The following THSD7B variants were observed in gnomAD, a reference collection of about 807,000 sequenced individuals.
The protein encoded by THSD7B is thrombospondin type-1 domain-containing protein 7B.
In THSD7B, 138 loss-of-function variants were observed where a neutral mutation model predicts 213.6. The ratio of observed to expected loss-of-function variants is 0.65; its 90% confidence interval spans 0.56 to 0.74. The LOEUF is 0.74. Among genes scored for constraint, THSD7B ranks in the 30% least tolerant of loss-of-function variants. The pLI is 0.00. For missense variants in THSD7B, 1,931 were observed against 1,991.5 expected (o/e 0.97, Z 0.58); for synonymous variants, 742 against 687.0 (o/e 1.08, Z -1.25).
intron 12 of THSD7B, among the ~76,000 whole-genome samples, chr2:137,360,981 G>A (rs916199563): frequency 2.0e-5 from 3 of 152,094 alleles, no homozygotes; most frequent in Non-Finnish European, 2.9e-5. Flanking sequence ...CATACAGCTG[G>A]GTGCCCCTCT....
At chr2:137,017,254 G>A (rs368985701) in intron 2 of THSD7B, among the ~76,000 whole-genome samples, 7 of 151,070 alleles carry the variant, frequency 4.6e-5, no homozygotes, top group East Asian at 3.9e-4. Context: ...TAGCTGAGGC[G>A]AAACTGAAGT....
intron 20 of THSD7B, among the ~76,000 whole-genome samples, chr2:137,621,463 A>T (rs2104843374): frequency 6.6e-6 from 1 of 152,310 alleles, no homozygotes; most frequent in South Asian, 2.1e-4. Flanking sequence ...CGATCCCAGA[A>T]TCCCAGTGGA....
intron 2 of THSD7B, among the ~76,000 whole-genome samples, chr2:137,012,865 A>G (rs1686256566): frequency 6.6e-6 from 1 of 152,202 alleles, no homozygotes; most frequent in Non-Finnish European, 1.5e-5. Context: ...TAGTAAAGCT[A>G]ATTTTATTTT....
At chr2:137,266,806 G>A (rs2105088743) in intron 10 of THSD7B, among the ~76,000 whole-genome samples, 1 of 152,280 alleles carries the variant, frequency 6.6e-6, no homozygotes, top group Non-Finnish European at 1.5e-5. Flanking sequence ...CTATCAGCCA[G>A]TGCCTATGTT....
intron 2 of THSD7B, among the ~76,000 whole-genome samples, chr2:136,891,189 C>T (rs551388325): frequency 6.1e-4 from 93 of 152,024 alleles, no homozygotes; most frequent in African/African-American, 2.1e-3. Flanking sequence ...TCCTTTCATT[C>T]TCTGCTTCCT....
intron 14 of THSD7B, among the ~76,000 whole-genome samples, chr2:137,420,569 C>T (rs1167604366): frequency 2.0e-5 from 3 of 152,132 alleles, no homozygotes; most frequent in Non-Finnish European, 4.4e-5. Flanking sequence ...ATCCATGCTG[C>T]CACAGAGGGC....
intron 7 of THSD7B, among the ~76,000 whole-genome samples, chr2:137,197,729 G>C (rs551809428): frequency 6.6e-6 from 1 of 152,150 alleles, no homozygotes; most frequent in Non-Finnish European, 1.5e-5. Flanking sequence ...GGAACATCAC[G>C]GAAGCAGCAT....
intron 15 of THSD7B, among the ~76,000 whole-genome samples, chr2:137,555,689 C>T (rs1251860456): frequency 6.6e-6 from 1 of 152,052 alleles, no homozygotes; most frequent in Admixed American, 6.5e-5. Context: ...CAAAGCTGGA[C>T]AGAGAATGAC....
intron 1 of THSD7B, among the ~76,000 whole-genome samples, chr2:136,879,859 G>C (rs1683590483): frequency 6.6e-6 from 1 of 152,084 alleles, no homozygotes; most frequent in Non-Finnish European, 1.5e-5. Context: ...AAGATCAAAA[G>C]AGACAAAGAA....
intron 12 of THSD7B, among the ~76,000 whole-genome samples, chr2:137,299,076 C>T (rs531338400): frequency 6.6e-6 from 1 of 152,122 alleles, no homozygotes; most frequent in Non-Finnish European, 1.5e-5. Context: ...GGAGGCTGTA[C>T]CCTGCAAAAC....
intron 16 of THSD7B, among the ~76,000 whole-genome samples, chr2:137,570,402 G>A (rs1004808154): frequency 2.5e-4 from 38 of 152,044 alleles, no homozygotes; most frequent in Admixed American, 2.0e-3. Context: ...TCAGCCTCCC[G>A]GGTTCACGCC....
chr2:136,779,322 A>G (rs1282020129), intron 1 of THSD7B, among the ~76,000 whole-genome samples: 1 of 151,856 alleles, frequency 6.6e-6, no homozygotes, highest in African/African-American at 2.4e-5. Context: ...AATATGTCCA[A>G]TTTATGACCC....
At position 137,663,701 on chromosome 2, in the gene THSD7B, A is replaced by G. The variant is rs1683395509; in HGVS notation, c.4651+126A>G. ...GGAGAGAAGAAAGAGGCAGTAAGGC[A>G]TAATTCAGGGTTTCTCAGATTTGAA... On this transcript the variant is annotated intron_variant, in intron 26 of 27. Coordinates refer to ENST00000409968, the MANE Select transcript of THSD7B (RefSeq NM_001316349.2). 1.1e-5 allele frequency: 9 copies of G among 837,860 alleles called. No individual in the cohort carries two copies. The Admixed American group carries it at 2.0e-4, about 19-fold the overall frequency. The allele number at this position is 837,860 out of a possible 1,614,324, so 51.9% of individuals were successfully genotyped here. A position where few individuals can be genotyped will look rare whatever the true frequency, so the allele number is the denominator to read the frequency against.
intron 2 of THSD7B, among the ~76,000 whole-genome samples, chr2:137,038,731 C>T (rs192480163): frequency 1.3e-4 from 20 of 152,342 alleles, no homozygotes; most frequent in Non-Finnish European, 2.4e-4. Context: ...TTGCAGTCTA[C>T]AACTGCAATC....
At chr2:137,337,979 T>C (rs1279519182) in intron 12 of THSD7B, among the ~76,000 whole-genome samples, 1 of 152,114 alleles carries the variant, frequency 6.6e-6, no homozygotes, top group African/African-American at 2.4e-5. Flanking sequence ...TATTTAGTGC[T>C]ATATACAAAT....
intron 17 of THSD7B, among the ~76,000 whole-genome samples, chr2:137,581,448 C>T (rs1384168612): frequency 2.6e-5 from 4 of 151,962 alleles, no homozygotes; most frequent in South Asian, 2.1e-4. Context: ...ATTAGCCCAG[C>T]GTGGTGGCAC....
Position 137,056,500 on chromosome 2 carries a change from T to G in THSD7B, c.220T>G (p.Trp74Gly), listed in dbSNP as rs1361936057. 1.2e-6 allele frequency: 2 copies of G among 1,613,912 alleles called. No individual in the cohort carries two copies. Among genetic ancestry groups the G allele is most frequent in the Admixed American group, 3.3e-5 (2 of 60,010 alleles). Residue 74 changes from tryptophan (W) to glycine (G), a missense_variant, in exon 3 of 28, where the codon TGG becomes GGG. Coordinates refer to ENST00000409968, the MANE Select transcript of THSD7B (RefSeq NM_001316349.2). ...RAVWCFHVDG[W>G]TSHLSNCGES... ...AGTGTGGTGTTTTCATGTTGACGGG[T>G]GGACAAGTCACCTGTCTAACTGTGG... is the stretch of plus-strand genomic sequence containing the variant.
chr2:137,206,205 C>A lies in THSD7B; in HGVS notation c.1724-24839C>A, dbSNP rs116227329. On this transcript the variant is annotated intron_variant, in intron 7 of 27. Coordinates refer to ENST00000409968, the MANE Select transcript of THSD7B (RefSeq NM_001316349.2). The stretch of plus-strand genomic sequence containing the variant: ...CATCTTACAACTGTGTCATTTAATT[C>A]TTGACACCTCCCTCAGAGGTAGGAG... Among the ~76,000 whole-genome samples the A allele has an allele frequency of 6.3e-3, 950 of 151,974 alleles. 9 individuals are homozygous for A. The highest frequency in any genetic ancestry group is 0.022 in the African/African-American group (901 of 41,498).
chr2:137,078,327 T>G (rs970526037), intron 3 of THSD7B, among the ~76,000 whole-genome samples: 2 of 152,126 alleles, frequency 1.3e-5, no homozygotes, highest in African/African-American at 4.8e-5. Flanking sequence ...TTGTTAAGTT[T>G]TTGAATTTTT....
Sources: allele counts gnomAD v4.1 joint callset (sites outside exome capture counted in the v4.1 genomes callset), GRCh38; gene constraint gnomAD v4.1.1; transcripts MANE v1.5; gene names NCBI Gene and HGNC (gene_info 2026-07-23, HGNC 2026-07-21).